Variants in HMCN2 observed in about 807,000 individuals in gnomAD.
HMCN2 encodes hemicentin-2.
HMCN2 carries 325 observed loss-of-function variants against 377.5 expected under a neutral mutation model. The ratio of observed to expected loss-of-function variants is 0.86; its 90% confidence interval spans 0.79 to 0.94. The LOEUF (loss-of-function observed/expected upper bound fraction) is 0.94. Among genes scored for constraint, HMCN2 ranks in the 40% least tolerant of loss-of-function variants. The pLI is 0.00. For missense variants in HMCN2, 4,543 were observed against 4,725.3 expected (o/e 0.96, Z 1.13); for synonymous variants, 2,007 against 2,046.8 (o/e 0.98, Z 0.53).
At position 130,403,197 on chromosome 9, in the gene HMCN2, C is replaced by A. The variant is rs1283416056; in HGVS notation, c.11882C>A (p.Ser3961Tyr). 1 of 1,289,162 alleles carries A rather than the reference C, an allele frequency of 7.8e-7. No homozygotes were observed. The allele number at this position is 1,289,162 out of a possible 1,614,324, so 79.9% of individuals were successfully genotyped here. Reference protein sequence around the residue: ...HKHVFLTVQASPVVKPLPSVV... With the variant: ...HKHVFLTVQAYPVVKPLPSVV... ...TCTGCACCCCCGTCCTTTGTAGCCT[C>A]CCCGGTGGTGAAGCCGCTGCCCAGC... Residue 3961 changes from serine (S) to tyrosine (Y), a missense_variant, in exon 79 of 98, where the codon TCC (serine) becomes TAC (tyrosine). Physicochemically the swap from Ser to Tyr is moderately radical, Grantham distance 144. Coordinates refer to ENST00000683500, the MANE Select transcript of HMCN2 (RefSeq NM_001291815.2).
chr9:130,380,936 A>G (rs1456752636), intron 54 of HMCN2, among the ~76,000 whole-genome samples: 1 of 33,782 alleles, frequency 3.0e-5, no homozygotes, highest in Non-Finnish European at 2.2e-4. Context: ...TCCTGGGTGC[A>G]CAGTAGGCTC....
Position 130,429,633 on chromosome 9 carries a change from C to T in HMCN2, c.14274C>T (p.Arg4758=). ...GCGAGAACACCCCAGGCGGTCACCG[C>T]TGCAGCTGCCCCAGGGGTTACCGGA... ...QLCENTPGGH[R]CSCPRGYRMQ... The change falls in exon 94 of 98, where the codon CGC becomes CGT. Residue 4758 remains arginine (R), a synonymous_variant. Coordinates refer to ENST00000683500, the MANE Select transcript of HMCN2 (RefSeq NM_001291815.2). The T allele has an allele frequency of 6.5e-7, 1 of 1,549,136 alleles. No homozygotes were observed. Among genetic ancestry groups the T allele is most frequent in the Non-Finnish European group, 8.7e-7 (1 of 1,146,340 alleles).
intron 4 of HMCN2, among the ~76,000 whole-genome samples, chr9:130,292,614 T>G (rs1400648751): frequency 6.6e-6 from 1 of 152,212 alleles, no homozygotes; most frequent in Non-Finnish European, 1.5e-5. Context: ...CTTTTTTGAG[T>G]ATCATTATGT....
At chr9:130,368,732 C>T (rs1300254380) in intron 44 of HMCN2, among the ~76,000 whole-genome samples, 3 of 151,786 alleles carry the variant, frequency 2.0e-5, no homozygotes, top group Non-Finnish European at 2.9e-5. Context: ...CCTTACATGT[C>T]GGCAGGAGAG....
In HMCN2 at chr9:130,348,686, C is replaced by T. The variant is rs759541887; in HGVS notation, c.4155+11C>T. ...AAGGACGCGCAGCTGGTGGGTGTCC[C>T]CCTAGGGTGGGCGGGGTATGGGTGG... is the stretch of plus-strand genomic sequence containing the variant. On this transcript the variant is annotated intron_variant, in intron 27 of 97. Transcript: ENST00000683500. 5.4e-6 allele frequency: 7 copies of T among 1,303,930 alleles called. No homozygotes were observed. The South Asian group carries it at 8.6e-5, about 16-fold the overall frequency. The allele number at this position is 1,303,930 out of a possible 1,614,324, so 80.8% of individuals were successfully genotyped here. A position where few individuals can be genotyped will look rare whatever the true frequency, so the allele number is the denominator to read the frequency against.
At chr9:130,368,869 C>T (rs959650259) in intron 44 of HMCN2, among the ~76,000 whole-genome samples, 1 of 152,190 alleles carries the variant, frequency 6.6e-6, no homozygotes, top group African/African-American at 2.4e-5. Flanking sequence ...CCAATCACCT[C>T]CCACCAGGTC....
chr9:130,387,435 T>C (rs888336942), intron 61 of HMCN2, among the ~76,000 whole-genome samples: 1 of 152,184 alleles, frequency 6.6e-6, no homozygotes, highest in Non-Finnish European at 1.5e-5. Context: ...TAGGGTGTTG[T>C]TCTTGTGCAT....
intron 8 of HMCN2, among the ~76,000 whole-genome samples, chr9:130,302,529 G>A (rs1836574664): frequency 6.6e-6 from 1 of 152,112 alleles, no homozygotes. Context: ...GTCCAGGCTG[G>A]CCAACCTTGA....
chr9:130,293,209 A>G (rs1289354465), intron 4 of HMCN2, among the ~76,000 whole-genome samples: 1 of 150,302 alleles, frequency 6.7e-6, no homozygotes, highest in Non-Finnish European at 1.5e-5. Context: ...TGCTTTATCC[A>G]ACAAGATATA....
chr9:130,429,881 C>A, intron 94 of HMCN2, 196 bp downstream of exon 94: 1 of 1,082,558 alleles, frequency 9.2e-7, no homozygotes, highest in Non-Finnish European at 1.3e-6. Flanking sequence ...ACACTTTGCA[C>A]TCACTGGGTG....
intron 19 of HMCN2, among the ~76,000 whole-genome samples, chr9:130,324,759 G>A (rs1292072771): frequency 6.6e-6 from 1 of 151,838 alleles, no homozygotes; most frequent in Non-Finnish European, 1.5e-5. Context: ...TGGGTAGCTG[G>A]GACTGCAGGC....
At chr9:130,359,539 C>G in intron 37 of HMCN2, 125 bp downstream of exon 37, 1 of 379,676 alleles carries the variant, frequency 2.6e-6, no homozygotes, top group Non-Finnish European at 5.1e-6. Flanking sequence ...CTTTCCCCCC[C>G]GTTTCTCTCA....
chr9:130,287,001 G>C (rs1371569248), intron 4 of HMCN2, among the ~76,000 whole-genome samples: 1 of 152,178 alleles, frequency 6.6e-6, no homozygotes, highest in Non-Finnish European at 1.5e-5. Context: ...TCAGGGGCCA[G>C]CTGGGAAATG....
chr9:130,278,879 C>G (rs1834951371), intron 1 of HMCN2, among the ~76,000 whole-genome samples: 1 of 149,118 alleles, frequency 6.7e-6, no homozygotes, highest in Non-Finnish European at 1.5e-5. Flanking sequence ...CCTCACCCAG[C>G]CTGAGACCCT....
intron 40 of HMCN2, among the ~76,000 whole-genome samples, 173 bp from the exon 41 acceptor site, chr9:130,364,541 T>C (rs75402627): frequency 0.055 from 8,398 of 152,322 alleles, 341 homozygotes; most frequent in East Asian, 0.18. Flanking sequence ...ATCTGGGATG[T>C]GGATATCGTG....
chr9:130,426,523 A>G (rs80316100), intron 90 of HMCN2, among the ~76,000 whole-genome samples: 6,262 of 152,258 alleles, frequency 0.041, 152 homozygotes, highest in Middle Eastern at 0.071. Context: ...CAGTGTTCCC[A>G]TCTGCACCGC....
chr9:130,396,405 A>G, intron 73 of HMCN2, 92 bp downstream of exon 73: 1 of 1,093,658 alleles, frequency 9.1e-7, no homozygotes. Flanking sequence ...GGAGCAGAAA[A>G]GTGACTTTAT....
intron 32 of HMCN2, 106 bp from the exon 33 acceptor site, chr9:130,355,640 G>A (rs1839985857): frequency 1.7e-6 from 1 of 577,062 alleles, no homozygotes; most frequent in Non-Finnish European, 3.0e-6. Context: ...GGAGACGTGA[G>A]GGTGAGGTGC....
chr9:130,266,245 C>A (rs1199605367), intron 1 of HMCN2, 108 bp downstream of exon 1: 2 of 357,396 alleles, frequency 5.6e-6, no homozygotes, highest in East Asian at 1.7e-4. Flanking sequence ...GGCTGCGCCG[C>A]GGCTTGGCGG....
Sources: allele counts gnomAD v4.1 joint callset (sites outside exome capture counted in the v4.1 genomes callset), GRCh38; gene constraint gnomAD v4.1.1; transcripts MANE v1.5; gene names NCBI Gene and HGNC (gene_info 2026-07-23, HGNC 2026-07-21).